The following ZKSCAN8 variants were observed in gnomAD, a reference collection of about 807,000 sequenced individuals.
ZKSCAN8 encodes the protein zinc finger with KRAB and SCAN domains 8, also known as zinc finger protein with KRAB and SCAN domains 8.
A neutral mutation model predicts 57.2 loss-of-function variants in ZKSCAN8; 27 were observed. The observed-to-expected ratio is 0.47, with a 90% CI of 0.35 to 0.65. The LOEUF (loss-of-function observed/expected upper bound fraction) is 0.65, where lower values mean the gene tolerates loss of function less well. Among genes scored for constraint, ZKSCAN8 ranks in the 30% least tolerant of loss-of-function variants. The pLI is 0.01. For missense variants in ZKSCAN8, 597 were observed against 696.3 expected, an observed-to-expected ratio of 0.86 and a Z score of 1.60; for synonymous variants, 214 against 248.7, an observed-to-expected ratio of 0.86 and a Z score of 1.31.
Position 28,152,338 on chromosome 6 carries a change from G to A in ZKSCAN8, c.729G>A (p.Leu243=), listed in dbSNP as rs769666270. The A allele has an allele frequency of 6.2e-7, 1 of 1,613,546 alleles. No homozygotes were observed. Among genetic ancestry groups the A allele is most frequent in the South Asian group, 1.1e-5 (1 of 90,900 alleles). The change falls in exon 5 of 6, where the codon CTG becomes CTA. Residue 243 remains leucine, a synonymous_variant. Coordinates refer to ENST00000330236, the MANE Select transcript of ZKSCAN8 (RefSeq NM_006298.4). Reference sequence around the variant, plus strand: ...TTCTTGATCCATCACAGAAGGATCTGTGTAGAGATAACAGGCCAGAAAATT... The same window carrying A: ...TTCTTGATCCATCACAGAAGGATCTATGTAGAGATAACAGGCCAGAAAATT... The part of the protein sequence containing the change: ...EWLLDPSQKD[L]CRDNRPENFR...
At chr6:28,143,254 T>C (rs1765275745) in intron 1 of ZKSCAN8, among the ~76,000 whole-genome samples, 1 of 152,188 alleles carries the variant, frequency 6.6e-6, no homozygotes, top group African/African-American at 2.4e-5. Flanking sequence ...TTATAGGTTG[T>C]AATTCTCAAA....
chr6:28,145,419 A>G (rs1033427188), intron 1 of ZKSCAN8, among the ~76,000 whole-genome samples: 1 of 152,178 alleles, frequency 6.6e-6, no homozygotes, highest in African/African-American at 2.4e-5. Flanking sequence ...TACATTCATA[A>G]AGGGCCTTGC....
chr6:28,148,614 G>C lies in ZKSCAN8; in HGVS notation c.207G>C (p.Leu69=). 2 of 1,614,208 alleles carry C rather than the reference G, an allele frequency of 1.2e-6. No homozygotes were observed. The highest frequency in any genetic ancestry group is 3.3e-4 in the Middle Eastern group (2 of 6,062). Reference sequence around the variant, plus strand: ...AGACACTAGGACCCCGAGAAGCTCTGATCCAACTACGGGCCCTTTGCCATC... The same window carrying C: ...AGACACTAGGACCCCGAGAAGCTCTCATCCAACTACGGGCCCTTTGCCATC... ...YQETLGPREA[L]IQLRALCHQW... The change falls in exon 2 of 6, where the codon CTG becomes CTC. Residue 69 remains leucine (L), a synonymous_variant. Coordinates refer to ENST00000330236, the MANE Select transcript of ZKSCAN8 (RefSeq NM_006298.4).
intron 1 of ZKSCAN8, 89 bp from the exon 2 acceptor site, chr6:28,148,227 C>T: frequency 5.1e-6 from 3 of 587,950 alleles, no homozygotes; most frequent in Middle Eastern, 4.6e-4. Flanking sequence ...CCATGAAGTC[C>T]GTGTCATACT....
At chr6:28,152,425 T>TG in intron 5 of ZKSCAN8, 41 bp downstream of exon 5, 2 of 1,566,952 alleles carry the variant, frequency 1.3e-6, no homozygotes, top group Non-Finnish European at 1.7e-6. Flanking sequence ...TTAGATTTTT[T>TG]GTTTGTTTGT....
intron 3 of ZKSCAN8, among the ~76,000 whole-genome samples, chr6:28,150,011 A>G (rs1446630245): frequency 7.2e-6 from 1 of 139,260 alleles, no homozygotes; most frequent in African/African-American, 2.8e-5. Context: ...ATATTTCAGT[A>G]TGTATTTCCT....
In ZKSCAN8 at chr6:28,153,752, A is replaced by G; in HGVS notation, c.1472A>G (p.Lys491Arg). The part of the protein sequence containing the change: ...QRSHTGEKPY[K>R]CNECGRAFSQ... ...AGCCACACTGGGGAGAAACCCTACA[A>G]ATGCAATGAGTGTGGGAGGGCCTTC... Residue 491 changes from lysine to arginine, a missense_variant, in exon 6 of 6, where the codon AAA (lysine) becomes AGA (arginine). Lys to Arg is a conservative substitution (Grantham distance 26). Transcript: ENST00000330236. 1 of 1,613,988 alleles carries G rather than the reference A, an allele frequency of 6.2e-7. No homozygotes were observed. Among genetic ancestry groups the G allele is most frequent in the Non-Finnish European group, 8.5e-7 (1 of 1,179,934 alleles).
intron 1 of ZKSCAN8, among the ~76,000 whole-genome samples, chr6:28,143,827 T>G (rs1765300246): frequency 6.6e-6 from 1 of 152,212 alleles, no homozygotes; most frequent in Admixed American, 6.5e-5. Flanking sequence ...TTTGAAAAAT[T>G]AAATTATTTT....
rs1342492371 is a variant in ZKSCAN8 at position 28,157,612 on chromosome 6, ATG to A, written c.*3598_*3599del. The A allele has an allele frequency of 6.6e-6, 1 of 152,194 alleles. No individual in the cohort carries two copies. Among genetic ancestry groups the A allele is most frequent in the Non-Finnish European group, 1.5e-5 (1 of 68,044 alleles). 9.4% of individuals were successfully genotyped at this position (152,194 alleles called of 1,614,324 possible). On this transcript the variant is annotated 3_prime_UTR_variant, in exon 6 of 6. Coordinates refer to ENST00000330236, the MANE Select transcript of ZKSCAN8 (RefSeq NM_006298.4). ...GTCATGAGAGGTACTGGGGAAAAGA[ATG>A]TGCAGTAGAGTGCAAATACATTACA... is the stretch of plus-strand genomic sequence containing the variant.
At position 28,157,626 on chromosome 6, in the gene ZKSCAN8, G is replaced by A. The variant is rs1765827226; in HGVS notation, c.*3609G>A. Reference sequence around the variant, plus strand: ...TGGGGAAAAGAATGTGCAGTAGAGTGCAAATACATTACAATTACTGGAAAA... The same window carrying A: ...TGGGGAAAAGAATGTGCAGTAGAGTACAAATACATTACAATTACTGGAAAA... On this transcript the variant is annotated 3_prime_UTR_variant, in exon 6 of 6. Transcript: ENST00000330236. 6.6e-6 allele frequency: 1 copy of A among 152,146 alleles called. No individual in the cohort carries two copies. The highest frequency in any genetic ancestry group is 6.5e-5 in the Admixed American group (1 of 15,272). The allele number at this position is 152,146 out of a possible 1,614,324, so 9.4% of individuals were successfully genotyped here. A position where few individuals can be genotyped will look rare whatever the true frequency, so the allele number is the denominator to read the frequency against.
At chr6:28,153,019 A>G (rs1765644788) in intron 5 of ZKSCAN8, 37 bp from the exon 6 acceptor site, 3 of 1,604,622 alleles carry the variant, frequency 1.9e-6, no homozygotes, top group Non-Finnish European at 2.6e-6. Context: ...AGGTTGTGAC[A>G]TTGGCTTGAT....
In ZKSCAN8 at chr6:28,153,996, A is replaced by G; in HGVS notation, c.1716A>G (p.Lys572=). 1.2e-6 allele frequency: 2 copies of G among 1,601,802 alleles called. No individual in the cohort carries two copies. Among genetic ancestry groups the G allele is most frequent in the Non-Finnish European group, 1.7e-6 (2 of 1,175,122 alleles). The change falls in exon 6 of 6, where the codon AAA becomes AAG. Residue 572 remains lysine (K), a synonymous_variant. Transcript: ENST00000330236. ...ATCAGAGAATCCACAGTGGTGAAAA[A>G]TCTGAATCCATAAGCGTTTAGGAAC... ...IRHQRIHSGE[K]SESISV is the part of the protein sequence containing the mutation.
chr6:28,153,086 T>A lies in ZKSCAN8; in HGVS notation c.806T>A (p.Leu269Ter). ...GAGACCAGGAGTGAGAACAGGGAAT[T>A]AGCTTCAAAACAGGTAATATCTACT... ...GGETRSENRE[L>*]ASKQVISTGI... The change falls in exon 6 of 6, where the codon TTA becomes TAA. Residue 269 changes from leucine to a stop codon, truncating the protein, a stop_gained. Coordinates refer to ENST00000330236, the MANE Select transcript of ZKSCAN8 (RefSeq NM_006298.4). LOFTEE classifies it high-confidence loss of function. 1.2e-6 allele frequency: 2 copies of A among 1,614,144 alleles called. No homozygotes were observed. The highest frequency in any genetic ancestry group is 1.7e-6 in the Non-Finnish European group (2 of 1,180,012).
chr6:28,152,447 ATAG>A (rs1260705434), intron 5 of ZKSCAN8, 63 bp downstream of exon 5: 2 of 1,536,448 alleles, frequency 1.3e-6, no homozygotes, highest in African/African-American at 2.8e-5. Flanking sequence ...GTTTATGTGT[ATAG>A]TAGCTACAGC....
chr6:28,151,760 TA>T, intron 3 of ZKSCAN8, 84 bp from the exon 4 acceptor site: 2 of 1,133,994 alleles, frequency 1.8e-6, no homozygotes, highest in Non-Finnish European at 2.6e-6. Context: ...TCTGCTGAAA[TA>T]AAAATAATTT....
chr6:28,149,759 G>T, intron 3 of ZKSCAN8, 135 bp downstream of exon 3: 1 of 927,286 alleles, frequency 1.1e-6, no homozygotes. Flanking sequence ...GTGTTTAAAT[G>T]TTTAGGCTTC....
chr6:28,152,442 T>A, intron 5 of ZKSCAN8, 58 bp downstream of exon 5: 1 of 1,555,882 alleles, frequency 6.4e-7, no homozygotes. Context: ...TTGTTGTTTA[T>A]GTGTATAGTA....
chr6:28,153,431 G>A lies in ZKSCAN8; in HGVS notation c.1151G>A (p.Gly384Asp), dbSNP rs200171310. The change falls in exon 6 of 6, where the codon GGC becomes GAC. Residue 384 changes from glycine (G) to aspartate (D), a missense_variant. By Grantham distance (94) the Gly-to-Asp change is moderately conservative (BLOSUM62 -1). Transcript: ENST00000330236. ...AAACGCTATCACTGTAAGGAGTGTG[G>A]CAAAGCCTTCAGTCAGAACACAGGC... ...KVKRYHCKEC[G>D]KAFSQNTGLI... 6.2e-7 allele frequency: 1 copy of A among 1,614,202 alleles called. No homozygotes were observed. The highest frequency in any genetic ancestry group is 8.5e-7 in the Non-Finnish European group (1 of 1,180,034).
At chr6:28,142,826 GTTAA>G (rs1376051416) in intron 1 of ZKSCAN8, among the ~76,000 whole-genome samples, 1 of 152,192 alleles carries the variant, frequency 6.6e-6, no homozygotes, top group Non-Finnish European at 1.5e-5. Context: ...TGTGATAGAT[GTTAA>G]TTAAAACTTT....
Sources: allele counts gnomAD v4.1 joint callset (sites outside exome capture counted in the v4.1 genomes callset), GRCh38; gene constraint gnomAD v4.1.1; transcripts MANE v1.5; gene names NCBI Gene and HGNC (gene_info 2026-07-23, HGNC 2026-07-21).